Variants in KALRN observed in about 807,000 individuals in gnomAD.
The protein encoded by KALRN is kalirin RhoGEF kinase.
Under a neutral mutation model 353.7 loss-of-function variants are expected in KALRN, and 70 were observed. That is an observed-to-expected ratio of 0.20 (90% CI 0.16 to 0.24). KALRN has a LOEUF of 0.24. Ranked by LOEUF, KALRN falls within the 10% of genes least tolerant of loss-of-function variation. The probability of loss-of-function intolerance (pLI) is 1.00; values close to 1 mark genes in which losing one functional copy is unlikely to be tolerated. For synonymous variants in KALRN, 1,391 were observed against 1,434.8 expected (o/e 0.97, Z 0.69); for missense variants, 2,791 against 3,756.7 (o/e 0.74, Z 6.72).
In KALRN at chr3:124,584,719, G is replaced by T; in HGVS notation, c.5182+21630G>T. ...CGGGGAGAGCACAGCGGGGAGGGCG[G>T]GAGCCGGCTCTCGGGCGGCGGCGCT... On this transcript the variant is annotated intron_variant, in intron 34 of 59. Transcript: ENST00000682506. 2.7e-6 allele frequency: 4 copies of T among 1,489,684 alleles called. No homozygotes were observed. The South Asian group carries it at 4.1e-5, about 15-fold the overall frequency. 92.3% of individuals were successfully genotyped at this position (1,489,684 alleles called of 1,614,324 possible).
intron 16 of KALRN, among the ~76,000 whole-genome samples, chr3:124,433,552 C>T (rs2093355833): frequency 1.4e-5 from 2 of 142,750 alleles, no homozygotes; most frequent in Non-Finnish European, 1.5e-5. Flanking sequence ...ATGATTGCAC[C>T]ATTGCACTGC....
intron 1 of KALRN, among the ~76,000 whole-genome samples, chr3:124,049,854 G>A (rs1388398024): frequency 6.6e-6 from 1 of 152,190 alleles, no homozygotes; most frequent in Non-Finnish European, 1.5e-5. Context: ...AGAAACTGTA[G>A]CTTTTCAAAT....
chr3:124,662,666 G>T (rs1301805775), intron 45 of KALRN, among the ~76,000 whole-genome samples: 1 of 152,216 alleles, frequency 6.6e-6, no homozygotes, highest in African/African-American at 2.4e-5. Context: ...AATCAAGTCT[G>T]CAGGGAAATG....
intron 1 of KALRN, among the ~76,000 whole-genome samples, chr3:124,195,557 G>A (rs1461553223): frequency 1.3e-5 from 2 of 152,146 alleles, no homozygotes; most frequent in Non-Finnish European, 2.9e-5. Flanking sequence ...GGGCCATGTA[G>A]AATCACCTGT....
At chr3:124,240,716 T>C (rs903266440) in intron 3 of KALRN, among the ~76,000 whole-genome samples, 3 of 139,032 alleles carry the variant, frequency 2.2e-5, no homozygotes, top group African/African-American at 7.9e-5. Flanking sequence ...CACTGGGTAG[T>C]GGAGAGAAGA....
intron 4 of KALRN, among the ~76,000 whole-genome samples, chr3:124,265,132 A>T (rs1232032910): frequency 6.6e-6 from 1 of 151,980 alleles, no homozygotes; most frequent in Non-Finnish European, 1.5e-5. Flanking sequence ...CACCTCAAAC[A>T]TTTATCATTT....
At chr3:124,552,743 G>T (rs2070701081) in intron 33 of KALRN, among the ~76,000 whole-genome samples, 1 of 152,056 alleles carries the variant, frequency 6.6e-6, no homozygotes, top group African/African-American at 2.4e-5. Flanking sequence ...GTCATTAAGG[G>T]TGCTTTGGAA....
Position 124,482,819 on chromosome 3 carries a change from G to A in KALRN, c.4203G>A (p.Gln1401=). The A allele has an allele frequency of 1.2e-6, 2 of 1,611,600 alleles. No individual in the cohort carries two copies. Among genetic ancestry groups the A allele is most frequent in the Non-Finnish European group, 1.7e-6 (2 of 1,177,690 alleles). Residue 1401 remains glutamine (Q), a synonymous_variant, in exon 28 of 60, where the codon CAG becomes CAA. Transcript: ENST00000682506. ...TCTCATCCCTGCAGGAGATACAACA[G>A]CGGCATGGTCTGGCCAACTCCATCT... ...HAGTFFDEIQ[Q]RHGLANSISS...
intron 49 of KALRN, chr3:124,675,020 A>G (rs1480556187): frequency 6.6e-6 from 1 of 151,530 alleles, no homozygotes; most frequent in South Asian, 2.1e-4. Flanking sequence ...ATATATATAT[A>G]TATTTTTGAT....
At chr3:124,409,064 C>T (rs764208832) in intron 13 of KALRN, among the ~76,000 whole-genome samples, 1 of 152,146 alleles carries the variant, frequency 6.6e-6, no homozygotes, top group Non-Finnish European at 1.5e-5. Flanking sequence ...ATTGATGTCT[C>T]TAGAGTAGAC....
chr3:124,490,767 G>A lies in KALRN; in HGVS notation c.4470G>A (p.Ser1490=), dbSNP rs375318950. 1.2e-5 allele frequency: 20 copies of A among 1,613,770 alleles called. No individual in the cohort carries two copies. Among genetic ancestry groups the A allele is most frequent in the African/African-American group, 8.0e-5 (6 of 74,900 alleles). Residue 1490 remains serine, a synonymous_variant, in exon 30 of 60, where the codon TCG becomes TCA. Coordinates refer to ENST00000682506, the MANE Select transcript of KALRN (RefSeq NM_001388419.1). ...QDAFQVWDPK[S]LIRKGRERHL... ...CCTTTCAAGTGTGGGACCCGAAGTC[G>A]CTGATCCGGAAGGGGCGGGAGCGGC...
In KALRN at chr3:124,347,274, CTGTGTGTGTGTGTGTGTG is replaced by C. The variant is rs61359186; in HGVS notation, c.1770+39_1770+56del. 130 of 1,153,820 alleles carry C rather than the reference CTGTGTGTGTGTGTGTGTG, an allele frequency of 1.1e-4. No homozygotes were observed. The highest frequency in any genetic ancestry group is 1.1e-3 in the African/African-American group (38 of 35,598). 71.5% of individuals were successfully genotyped at this position (1,153,820 alleles called of 1,614,324 possible). The stretch of plus-strand genomic sequence containing the variant: ...TTGAAGAGGTGGCTCAGGTGAGAAG[CTGTGTGTGTGTGTGTGTG>C]TGTGTGTGTGTGTGTGTGTGTGTGT... On this transcript the variant is annotated intron_variant, in intron 10 of 59. Transcript: ENST00000682506.
intron 34 of KALRN, among the ~76,000 whole-genome samples, chr3:124,624,784 C>G (rs1341951166): frequency 6.6e-6 from 1 of 152,156 alleles, no homozygotes; most frequent in Admixed American, 6.5e-5. Context: ...GCCTGATAGC[C>G]AAAGGATGAG....
At chr3:124,630,152 C>T (rs16835749) in intron 34 of KALRN, among the ~76,000 whole-genome samples, 53,470 of 152,008 alleles carry the variant, frequency 0.35, 10,327 homozygotes, top group East Asian at 0.65. Context: ...TGATCTCCTC[C>T]GAGTTTAATG....
At chr3:124,621,205 G>T (rs1334269947) in intron 34 of KALRN, among the ~76,000 whole-genome samples, 1 of 152,216 alleles carries the variant, frequency 6.6e-6, no homozygotes, top group Non-Finnish European at 1.5e-5. Flanking sequence ...CAGGACAGGA[G>T]CAGCCGTATT....
intron 34 of KALRN, among the ~76,000 whole-genome samples, chr3:124,564,183 C>A (rs900419024): frequency 1.1e-4 from 13 of 119,810 alleles, no homozygotes; most frequent in African/African-American, 4.3e-4. Context: ...CCAGCCTGGG[C>A]GACAGAGCGA....
intron 23 of KALRN, among the ~76,000 whole-genome samples, chr3:124,458,435 A>G (rs1373121484): frequency 6.6e-6 from 1 of 151,822 alleles, no homozygotes; most frequent in Non-Finnish European, 1.5e-5. Context: ...TAAATCCTTT[A>G]TCTACAGCCC....
chr3:124,435,909 A>G (rs894542226), intron 17 of KALRN, among the ~76,000 whole-genome samples: 2 of 152,266 alleles, frequency 1.3e-5, no homozygotes, highest in African/African-American at 4.8e-5. Context: ...TAGAAGAGCC[A>G]AAACGATTTT....
At chr3:124,231,490 T>G (rs970719775) in intron 2 of KALRN, among the ~76,000 whole-genome samples, 1 of 152,222 alleles carries the variant, frequency 6.6e-6, no homozygotes, top group Non-Finnish European at 1.5e-5. Context: ...GGGAACCTTA[T>G]GTTGCTGTGG....
Sources: allele counts gnomAD v4.1 joint callset (sites outside exome capture counted in the v4.1 genomes callset), GRCh38; gene constraint gnomAD v4.1.1; transcripts MANE v1.5; gene names NCBI Gene and HGNC (gene_info 2026-07-23, HGNC 2026-07-21).